VWA3A: variants seen among roughly 807,000 people sequenced by gnomAD.
VWA3A encodes von Willebrand factor A domain containing 3A.
A neutral mutation model predicts 160.4 loss-of-function variants in VWA3A; 134 were observed. The observed-to-expected ratio is 0.84, with a 90% CI of 0.73 to 0.96. VWA3A has a LOEUF of 0.96. Among genes scored for constraint, VWA3A ranks in the 40% least tolerant of loss-of-function variants. The pLI, the probability that VWA3A is intolerant of heterozygous loss-of-function variation, is 0.00. For synonymous variants in VWA3A, 476 were observed against 543.4 expected (o/e 0.88, Z 1.72); for missense variants, 1,310 against 1,447.9 (o/e 0.90, Z 1.55).
chr16:22,149,726 G>A (rs2046314580), intron 28 of VWA3A, 61 bp from the exon 29 acceptor site: 2 of 1,531,020 alleles, frequency 1.3e-6, no homozygotes, highest in Admixed American at 1.9e-5. Flanking sequence ...AGACAGGCCT[G>A]TTCTAACCAA....
chr16:22,138,488 C>A lies in VWA3A; in HGVS notation c.2268C>A (p.Pro756=). 6.2e-7 allele frequency: 1 copy of A among 1,613,974 alleles called. No individual in the cohort carries two copies. Residue 756 remains proline (P), a synonymous_variant, in exon 22 of 34, where the codon CCC becomes CCA. Coordinates refer to ENST00000389398, the MANE Select transcript of VWA3A (RefSeq NM_173615.5). ...CCAAGAAGCTCTGCCCTCCCAGGCC[C>A]ACCGTCCCCCTGGGGGCCAGAATGG... ...SQPKKLCPPR[P]TVPLGARMSI...
intron 22 of VWA3A, 112 bp downstream of exon 22, chr16:22,138,624 G>A: frequency 7.1e-7 from 1 of 1,408,814 alleles, no homozygotes; most frequent in East Asian, 2.4e-5. Context: ...GGGTGCTTCA[G>A]TGGTGAGTGT....
intron 21 of VWA3A, among the ~76,000 whole-genome samples, chr16:22,136,917 A>G (rs1057189093): frequency 6.6e-6 from 1 of 150,854 alleles, no homozygotes; most frequent in African/African-American, 2.4e-5. Context: ...ACACACACAC[A>G]CGCAAAATTA....
chr16:22,121,061 G>A lies in VWA3A; in HGVS notation c.1210G>A (p.Asp404Asn), dbSNP rs761660450. Residue 404 changes from aspartate to asparagine, a missense_variant, in exon 13 of 34, where the codon GAC becomes AAC. Physicochemically the swap from Asp to Asn is conservative, Grantham distance 23. Transcript: ENST00000389398. ...APLTIEFPNL[D>N]KTSAEWLKVN... ...TCTCACCATTGAGTTTCCAAACTTG[G>A]ACAAGACTTCTGCAGAGTGGCTTAA... is the stretch of plus-strand genomic sequence containing the variant. 1 of 1,613,948 alleles carries A rather than the reference G, an allele frequency of 6.2e-7. No homozygotes were observed. Among genetic ancestry groups the A allele is most frequent in the South Asian group, 1.1e-5 (1 of 91,072 alleles).
At chr16:22,148,403 G>A in intron 28 of VWA3A, 97 bp downstream of exon 28, 2 of 1,441,680 alleles carry the variant, frequency 1.4e-6, no homozygotes, top group Non-Finnish European at 1.8e-6. Flanking sequence ...CAGGCCTGGA[G>A]TTTCTGAGAT....
At chr16:22,099,058 T>A (rs746138371) in intron 3 of VWA3A, among the ~76,000 whole-genome samples, 13 of 151,166 alleles carry the variant, frequency 8.6e-5, no homozygotes, top group Middle Eastern at 7.0e-3. Flanking sequence ...ATTGTGGCAC[T>A]GCACTCCAGC....
intron 3 of VWA3A, among the ~76,000 whole-genome samples, chr16:22,099,627 G>C (rs2045377276): frequency 6.6e-6 from 1 of 152,186 alleles, no homozygotes; most frequent in African/African-American, 2.4e-5. Context: ...TTCAACACTT[G>C]CTAATTTCCC....
chr16:22,093,203 G>A lies in VWA3A; in HGVS notation c.14+552G>A, dbSNP rs1024755118. 9.9e-5 allele frequency among the ~76,000 whole-genome samples: 15 copies of A among 152,130 alleles called. No individual in the cohort carries two copies. In the South Asian group the frequency reaches 1.7e-3, roughly 17 times the overall value. Reference sequence around the variant, plus strand: ...CTAGCTGTGAACATTACTAAGTCCCGGCCCAAATGGATCTACTTCTAGTAT... The same window carrying A: ...CTAGCTGTGAACATTACTAAGTCCCAGCCCAAATGGATCTACTTCTAGTAT... On this transcript the variant is annotated intron_variant, in intron 1 of 33. Coordinates refer to ENST00000389398, the MANE Select transcript of VWA3A (RefSeq NM_173615.5).
intron 29 of VWA3A, 90 bp downstream of exon 29, chr16:22,150,021 G>T: frequency 6.8e-7 from 1 of 1,459,876 alleles, no homozygotes; most frequent in Non-Finnish European, 9.1e-7. Flanking sequence ...GATTTACAAA[G>T]GGCGCTTTAT....
At chr16:22,130,218 A>G (rs551255034) in intron 17 of VWA3A, among the ~76,000 whole-genome samples, 15 of 152,108 alleles carry the variant, frequency 9.9e-5, no homozygotes, top group Non-Finnish European at 1.9e-4. Flanking sequence ...TTTGACTGCA[A>G]TAGGTTGAGG....
rs543665932 is a variant in VWA3A at position 22,152,974 on chromosome 16, T to C, written c.3405+340T>C. ...AGGCCAGTTTGCCTTTGTTGGAAATTTATGTGGCTTTATGTAGATAACCTC... is the reference window on the plus strand; with the variant it reads ...AGGCCAGTTTGCCTTTGTTGGAAATCTATGTGGCTTTATGTAGATAACCTC... On this transcript the variant is annotated intron_variant, in intron 31 of 33. Transcript: ENST00000389398. Among the ~76,000 whole-genome samples, 81 of 152,318 alleles carry C rather than the reference T, an allele frequency of 5.3e-4. No individual in the cohort carries two copies. In the Middle Eastern group the frequency reaches 0.01, roughly 19 times the overall value.
intron 2 of VWA3A, among the ~76,000 whole-genome samples, 164 bp downstream of exon 2, chr16:22,097,109 G>A (rs2045338461): frequency 6.6e-6 from 1 of 151,922 alleles, no homozygotes; most frequent in Non-Finnish European, 1.5e-5. Context: ...GGGACTACAG[G>A]TGCCCACCAT....
At chr16:22,136,747 T>TC (rs1048096950) in intron 21 of VWA3A, among the ~76,000 whole-genome samples, 4 of 151,860 alleles carry the variant, frequency 2.6e-5, no homozygotes, top group Non-Finnish European at 5.9e-5. Flanking sequence ...AAATATCTCT[T>TC]CCCAGCTGGG....
intron 6 of VWA3A, among the ~76,000 whole-genome samples, chr16:22,106,893 G>A (rs917318838): frequency 2.6e-5 from 4 of 152,216 alleles, no homozygotes; most frequent in African/African-American, 9.6e-5. Flanking sequence ...AGAACTTGCT[G>A]ATGGATTGGA....
At position 22,146,296 on chromosome 16, in the gene VWA3A, G is replaced by C. The variant is rs1232247851; in HGVS notation, c.2791G>C (p.Glu931Gln). 5.0e-6 allele frequency: 8 copies of C among 1,613,686 alleles called. No homozygotes were observed. Among genetic ancestry groups the C allele is most frequent in the Non-Finnish European group, 5.9e-6 (7 of 1,179,740 alleles). Reference sequence around the variant, plus strand: ...GATGGAGGTGTACATCAGGCACTTGGAGAAGGTGTTAAGGCGCTATGTCCA... The same window carrying C: ...GATGGAGGTGTACATCAGGCACTTGCAGAAGGTGTTAAGGCGCTATGTCCA... ...REMEVYIRHL[E>Q]KVLRRYVQRL... Residue 931 changes from glutamate (E) to glutamine (Q), a missense_variant, in exon 27 of 34, where the codon GAG (glutamate) becomes CAG (glutamine). Physicochemically the swap from Glu to Gln is conservative, Grantham distance 29. Transcript: ENST00000389398.
At chr16:22,100,527 C>T in intron 5 of VWA3A, 34 bp downstream of exon 5, 2 of 1,538,990 alleles carry the variant, frequency 1.3e-6, no homozygotes, top group Non-Finnish European at 1.8e-6. Context: ...CCCAACACCA[C>T]AGAACTCAAG....
At chr16:22,111,053 CAG>C (rs1252124137) in intron 8 of VWA3A, 59 bp downstream of exon 8, 1 of 1,430,356 alleles carries the variant, frequency 7.0e-7, no homozygotes, top group Non-Finnish European at 9.6e-7. Context: ...CCCTAACCAG[CAG>C]AGTCTTTATT....
At position 22,120,948 on chromosome 16, in the gene VWA3A, G is replaced by A; in HGVS notation, c.1117-20G>A. 2 of 1,613,530 alleles carry A rather than the reference G, an allele frequency of 1.2e-6. No individual in the cohort carries two copies. Among genetic ancestry groups the A allele is most frequent in the East Asian group, 4.5e-5 (2 of 44,878 alleles). The stretch of plus-strand genomic sequence containing the variant: ...CTCTAAAATATGATTATGTAATGAG[G>A]GCTTTCTCATTTAACTTAGATTTCC... On this transcript the variant is annotated intron_variant, in intron 12 of 33. Transcript: ENST00000389398.
At position 22,120,888 on chromosome 16, in the gene VWA3A, G is replaced by A; in HGVS notation, c.1117-80G>A. ...GTGTTTAAGAAGCTCCACTTGCATT[G>A]ACTGGGTGGAGGGTGAAGACTGAGG... On this transcript the variant is annotated intron_variant, in intron 12 of 33. Transcript: ENST00000389398. The A allele has an allele frequency of 3.9e-6, 6 of 1,544,206 alleles. No individual in the cohort carries two copies. The African/African-American group carries it at 5.5e-5, about 14-fold the overall frequency.
Sources: allele counts gnomAD v4.1 joint callset (sites outside exome capture counted in the v4.1 genomes callset), GRCh38; gene constraint gnomAD v4.1.1; transcripts MANE v1.5; gene names NCBI Gene and HGNC (gene_info 2026-07-23, HGNC 2026-07-21).